MTUS1: variants seen among roughly 807,000 people sequenced by gnomAD.
MTUS1 encodes the protein microtubule associated scaffold protein 1, also known as microtubule-associated tumor suppressor 1.
In MTUS1, 109 loss-of-function variants were observed where a neutral mutation model predicts 120.8. The observed-to-expected ratio is 0.90, with a 90% confidence interval of 0.77 to 1.06. The LOEUF (loss-of-function observed/expected upper bound fraction) is 1.06. MTUS1 is among the 50% of genes least tolerant of loss of function. The pLI, the probability that MTUS1 is intolerant of heterozygous loss-of-function variation, is 0.00. For missense variants in MTUS1, 2,210 were observed against 1,486.3 expected (o/e 1.49, Z -8.01); for synonymous variants, 737 against 550.5 (o/e 1.34, Z -4.74).
intron 2 of MTUS1, among the ~76,000 whole-genome samples, chr8:17,746,737 A>G (rs2047781694): frequency 6.6e-6 from 1 of 152,170 alleles, no homozygotes; most frequent in Non-Finnish European, 1.5e-5. Context: ...TTACTAACAT[A>G]TAGCCCGTAT....
chr8:17,692,523 G>C (rs1215835760), intron 6 of MTUS1, among the ~76,000 whole-genome samples: 1 of 152,086 alleles, frequency 6.6e-6, no homozygotes, highest in East Asian at 1.9e-4. Flanking sequence ...AGTCAAAAGT[G>C]AATACCAAAT....
At chr8:17,714,331 G>C (rs959526188) in intron 5 of MTUS1, among the ~76,000 whole-genome samples, 2 of 152,174 alleles carry the variant, frequency 1.3e-5, no homozygotes, top group Non-Finnish European at 2.9e-5. Flanking sequence ...CACACACAGA[G>C]AGAGAGAGAG....
chr8:17,777,655 G>C (rs1164366834), intron 1 of MTUS1, among the ~76,000 whole-genome samples: 1 of 152,114 alleles, frequency 6.6e-6, no homozygotes, highest in Non-Finnish European at 1.5e-5. Flanking sequence ...CTTGGTTCCT[G>C]AGAACCTGCC....
At position 17,754,188 on chromosome 8, in the gene MTUS1, T is replaced by C. The variant is rs764739334; in HGVS notation, c.1620A>G (p.Ser540=). 1.2e-6 allele frequency: 2 copies of C among 1,614,106 alleles called. No individual in the cohort carries two copies. Among genetic ancestry groups the C allele is most frequent in the East Asian group, 4.5e-5 (2 of 44,884 alleles). ...GTCTTGAATTCACTGATGAGGGTGATGAGGCACTGGTCTGCTGAGGTCTGG... is the reference window on the plus strand; with the variant it reads ...GTCTTGAATTCACTGATGAGGGTGACGAGGCACTGGTCTGCTGAGGTCTGG... ...VTPRPQQTSA[S]SPSSVNSRQQ... Residue 540 remains serine, a synonymous_variant, in exon 2 of 15, where the codon TCA becomes TCG. Coordinates refer to ENST00000693296, the MANE Select transcript of MTUS1 (RefSeq NM_001363059.2).
rs138903124 is a variant in MTUS1, at chr8:17,696,120, G to A, written c.2624-11578C>T. On this transcript the variant is annotated intron_variant, in intron 6 of 14. Transcript: ENST00000693296. ...TTTGTTCAGTTGGAAGGGCTGCAGC[G>A]GCCCTGAGCTGGGAGAGGAGGGCCA... is the stretch of plus-strand genomic sequence containing the variant. 2.2e-4 allele frequency among the ~76,000 whole-genome samples: 34 copies of A among 152,252 alleles called. No individual in the cohort carries two copies. In the East Asian group the frequency reaches 3.9e-3, roughly 17 times the overall value.
At chr8:17,727,010 C>T (rs539220951) in intron 3 of MTUS1, among the ~76,000 whole-genome samples, 31 of 152,266 alleles carry the variant, frequency 2.0e-4, no homozygotes, top group South Asian at 6.2e-4. Flanking sequence ...AAGACCTGTA[C>T]CTTCACACAG....
chr8:17,712,791 C>T (rs569320757), intron 6 of MTUS1, among the ~76,000 whole-genome samples: 1 of 11,046 alleles, frequency 9.1e-5, no homozygotes, highest in East Asian at 5.3e-4. Context: ...TGCAGGCTAT[C>T]TTGGGAATGT....
Position 17,698,952 on chromosome 8 carries a change from T to G in MTUS1, c.2623+14262A>C, listed in dbSNP as rs6994593. On this transcript the variant is annotated intron_variant, in intron 6 of 14. Coordinates refer to ENST00000693296, the MANE Select transcript of MTUS1 (RefSeq NM_001363059.2). The stretch of plus-strand genomic sequence containing the variant: ...GGTGTTGCCTTTTACTTCATCCCAG[T>G]TTATTATTAAAAAACCTGAACACCT... Among the ~76,000 whole-genome samples the G allele has an allele frequency of 8.8e-3, 1,335 of 152,226 alleles. 23 individuals carry two copies. Among genetic ancestry groups the G allele is most frequent in the African/African-American group, 0.03 (1,250 of 41,522 alleles).
At chr8:17,736,020 G>A (rs1397246002) in intron 3 of MTUS1, among the ~76,000 whole-genome samples, 1 of 152,160 alleles carries the variant, frequency 6.6e-6, no homozygotes, top group African/African-American at 2.4e-5. Flanking sequence ...CAACCAGTAA[G>A]CTCCTTAAGA....
chr8:17,750,537 G>C (rs556102545), intron 2 of MTUS1, among the ~76,000 whole-genome samples: 14 of 152,318 alleles, frequency 9.2e-5, no homozygotes, highest in African/African-American at 3.4e-4. Context: ...GAAAAGGCCA[G>C]GATTCAAGTG....
rs2048488035 is a variant in MTUS1 at position 17,754,957 on chromosome 8, A to C, written c.851T>G (p.Val284Gly). The change falls in exon 2 of 15, where the codon GTT becomes GGT. Residue 284 changes from valine to glycine, a missense_variant. Physicochemically the swap from Val to Gly is moderately radical, Grantham distance 109. Transcript: ENST00000693296. Reference sequence around the variant, plus strand: ...TAGTGCTTGTGTCTCCTTTTCTCCAACTAGTCTTTGTTGTGATCCATCTGT... The same window carrying C: ...TAGTGCTTGTGTCTCCTTTTCTCCACCTAGTCTTTGTTGTGATCCATCTGT... ...EYTDGSQQRL[V>G]GEKETQALTP... 1 of 1,613,916 alleles carries C rather than the reference A, an allele frequency of 6.2e-7. No individual in the cohort carries two copies. Among genetic ancestry groups the C allele is most frequent in the Non-Finnish European group, 8.5e-7 (1 of 1,179,972 alleles).
chr8:17,660,052 A>G (rs931045224), intron 8 of MTUS1, among the ~76,000 whole-genome samples: 1 of 152,104 alleles, frequency 6.6e-6, no homozygotes, highest in Non-Finnish European at 1.5e-5. Context: ...ATGTGTCACA[A>G]TTTCCTTCCT....
At chr8:17,665,078 A>G (rs907569972) in intron 8 of MTUS1, among the ~76,000 whole-genome samples, 2 of 152,178 alleles carry the variant, frequency 1.3e-5, no homozygotes, top group African/African-American at 2.4e-5. Context: ...TGCTTTGTAG[A>G]AAGTCTTCCC....
Position 17,721,280 on chromosome 8 carries a change from G to A in MTUS1, c.2449+2392C>T, listed in dbSNP as rs7812400. Among the ~76,000 whole-genome samples, 498 of 152,276 alleles carry A rather than the reference G, an allele frequency of 3.3e-3. 2 individuals carry two copies. Among genetic ancestry groups the A allele is most frequent in the African/African-American group, 0.011 (462 of 41,562 alleles). ...GATGATTTTTTCATGTTTTGAGGTA[G>A]CCTTTAAAAGTATACATGTTTAATA... On this transcript the variant is annotated intron_variant, in intron 4 of 14. Coordinates refer to ENST00000693296, the MANE Select transcript of MTUS1 (RefSeq NM_001363059.2).
chr8:17,713,599 C>T (rs527818039), intron 5 of MTUS1, among the ~76,000 whole-genome samples: 6 of 152,172 alleles, frequency 3.9e-5, no homozygotes, highest in South Asian at 4.2e-4. Flanking sequence ...ATTCTGCTGC[C>T]GGGAGAGCAG....
Position 17,649,868 on chromosome 8 carries a change from T to C in MTUS1, c.3479A>G (p.Lys1160Arg). 1 of 1,595,506 alleles carries C rather than the reference T, an allele frequency of 6.3e-7. No individual in the cohort carries two copies. The highest frequency in any genetic ancestry group is 1.1e-5 in the South Asian group (1 of 90,676). Residue 1160 changes from lysine to arginine, a missense_variant, in exon 13 of 15, where the codon AAG becomes AGG. By Grantham distance (26) the Lys-to-Arg change is conservative. Coordinates refer to ENST00000693296, the MANE Select transcript of MTUS1 (RefSeq NM_001363059.2). ...KNEKLHQQDI[K>R]LMKMEKLVDN... is the part of the protein sequence containing the mutation. ...TACCAGTTTCTCCATTTTCATTAAC[T>C]TGATGTCCTGTTGATGCAGTTTCTC...
intron 7 of MTUS1, among the ~76,000 whole-genome samples, chr8:17,682,131 G>C (rs535487988): frequency 1.3e-5 from 2 of 152,306 alleles, no homozygotes; most frequent in African/African-American, 4.8e-5. Flanking sequence ...TTAATCAGCA[G>C]CGTGGGATGC....
rs200247118 is a variant in MTUS1 at position 17,697,375 on chromosome 8, C to T, written c.2624-12833G>A. On this transcript the variant is annotated intron_variant, in intron 6 of 14. Coordinates refer to ENST00000693296, the MANE Select transcript of MTUS1 (RefSeq NM_001363059.2). ...ATAAGGAGAATTTGGGAGACAACAA[C>T]ATGTCTTCGGAGCAGGTGGCGAGAT... The T allele has an allele frequency of 3.7e-5, 60 of 1,613,892 alleles. No homozygotes were observed. The African/African-American group carries it at 6.0e-4, about 16-fold the overall frequency.
At chr8:17,797,736 T>C (rs2052360884) in intron 1 of MTUS1, among the ~76,000 whole-genome samples, 1 of 152,208 alleles carries the variant, frequency 6.6e-6, no homozygotes, top group Non-Finnish European at 1.5e-5. Context: ...ACGCAGATCC[T>C]GAACTCCAAT....
Sources: allele counts gnomAD v4.1 joint callset (sites outside exome capture counted in the v4.1 genomes callset), GRCh38; gene constraint gnomAD v4.1.1; transcripts MANE v1.5; gene names NCBI Gene and HGNC (gene_info 2026-07-23, HGNC 2026-07-21).